The following ENTREP2 variants were observed in gnomAD, a reference collection of about 807,000 sequenced individuals.
ENTREP2 encodes protein ENTREP2.
chr15:29,478,930 C>A, the ENTREP2 span, among the ~76,000 whole-genome samples: 1 of 149,084 alleles, frequency 6.7e-6, no homozygotes, highest in East Asian at 2.0e-4. Context: ...CGTGGTGGCT[C>A]ACACCTGTAA....
chr15:29,183,545 G>A, the ENTREP2 span, among the ~76,000 whole-genome samples: 3 of 152,198 alleles, frequency 2.0e-5, no homozygotes, highest in Admixed American at 1.3e-4. Flanking sequence ...CCATGAACAG[G>A]AGATGGAGAA....
chr15:29,195,128 A>G, the ENTREP2 span: 3 of 985,288 alleles, frequency 3.0e-6, no homozygotes, highest in Non-Finnish European at 3.6e-6. Flanking sequence ...CCATGATGGG[A>G]TGGGCCCTGG....
chr15:29,524,212 A>T, the ENTREP2 span, among the ~76,000 whole-genome samples: 3 of 152,208 alleles, frequency 2.0e-5, no homozygotes, highest in Admixed American at 6.5e-5. Flanking sequence ...TGAGCCAAGG[A>T]TTTGCATAGA....
chr15:29,312,724 C>T, the ENTREP2 span, among the ~76,000 whole-genome samples: 8 of 152,106 alleles, frequency 5.3e-5, no homozygotes, highest in Non-Finnish European at 1.2e-4. Flanking sequence ...GCTGGCCGTT[C>T]CCCTGCCTAT....
chr15:29,269,186 G>A, the ENTREP2 span: 1 of 1,614,160 alleles, frequency 6.2e-7, no homozygotes, highest in Non-Finnish European at 8.5e-7. Context: ...CCCGTAGTGG[G>A]CGTGCCTTGG....
chr15:29,302,708 G>C, the ENTREP2 span, among the ~76,000 whole-genome samples: 1 of 152,118 alleles, frequency 6.6e-6, no homozygotes, highest in African/African-American at 2.4e-5. Flanking sequence ...GTGCAAATGG[G>C]ATGTTTCCCG....
chr15:29,363,002 C>T, the ENTREP2 span, among the ~76,000 whole-genome samples: 1,274 of 152,124 alleles, frequency 8.4e-3, 22 homozygotes, highest in African/African-American at 0.029. Flanking sequence ...TTTTCATAAA[C>T]GAGGTGGGAG....
the ENTREP2 span, among the ~76,000 whole-genome samples, chr15:29,390,050 C>G: frequency 1.3e-5 from 2 of 151,928 alleles, no homozygotes; most frequent in African/African-American, 4.8e-5. Flanking sequence ...GGAGGCTTTT[C>G]ACGGCCCAGG....
chr15:29,135,240 C>T, the ENTREP2 span, among the ~76,000 whole-genome samples: 1 of 152,130 alleles, frequency 6.6e-6, no homozygotes, highest in Admixed American at 6.5e-5. This position sits in a 1 kb window ranked among gnomAD's most constrained non-coding sequence, Gnocchi z 7.4. Context: ...GGCCACCTGT[C>T]ACGGGAGTTC....
chr15:29,478,020 T>TATATATA, the ENTREP2 span, among the ~76,000 whole-genome samples: 31 of 37,780 alleles, frequency 8.2e-4, no homozygotes, highest in African/African-American at 5.2e-3. Flanking sequence ...TATATATATA[T>TATATATA]TTTTTTTTTT....
chr15:29,349,507 G>A, the ENTREP2 span, among the ~76,000 whole-genome samples: 36 of 152,312 alleles, frequency 2.4e-4, no homozygotes, highest in African/African-American at 7.7e-4. Flanking sequence ...AAATGATATT[G>A]CAATTTAGGA....
At chr15:29,547,957 G>A in the ENTREP2 span, among the ~76,000 whole-genome samples, 22 of 152,274 alleles carry the variant, frequency 1.4e-4, no homozygotes, top group Admixed American at 1.4e-3. Context: ...ATGAGGCTAA[G>A]TGAAATAAGG....
chr15:29,177,541 G>A, the ENTREP2 span, among the ~76,000 whole-genome samples: 80 of 152,062 alleles, frequency 5.3e-4, no homozygotes, highest in African/African-American at 1.9e-3. Context: ...CACACAGATC[G>A]AGCCCACAAC....
At chr15:29,271,483 C>T in the ENTREP2 span, among the ~76,000 whole-genome samples, 2 of 152,346 alleles carry the variant, frequency 1.3e-5, no homozygotes, top group Admixed American at 6.5e-5. Flanking sequence ...GGCAGCCCAG[C>T]GCCAGGCCCA....
At chr15:29,222,925 A>G in the ENTREP2 span, among the ~76,000 whole-genome samples, 1 of 152,258 alleles carries the variant, frequency 6.6e-6, no homozygotes, top group Non-Finnish European at 1.5e-5. Context: ...AGCATGTGAT[A>G]CAATCTCATG....
chr15:29,539,828 CCT>C, the ENTREP2 span, among the ~76,000 whole-genome samples: 10 of 152,270 alleles, frequency 6.6e-5, no homozygotes, highest in South Asian at 2.1e-4. Flanking sequence ...GCCAAAATCC[CCT>C]GAGTGACAAA....
the ENTREP2 span, among the ~76,000 whole-genome samples, chr15:29,379,513 C>T: frequency 1.2e-4 from 18 of 152,184 alleles, no homozygotes; most frequent in Non-Finnish European, 2.4e-4. Context: ...GTGCTGACCA[C>T]CTCCCAGAGA....
At chr15:29,254,392 C>A in the ENTREP2 span, among the ~76,000 whole-genome samples, 3 of 152,070 alleles carry the variant, frequency 2.0e-5, no homozygotes, top group African/African-American at 7.2e-5. Context: ...CTGATTATTG[C>A]CCCACTGATA....
chr15:29,284,982 T>C, the ENTREP2 span, among the ~76,000 whole-genome samples: 192 of 152,304 alleles, frequency 1.3e-3, 1 homozygote, highest in Middle Eastern at 6.8e-3. Flanking sequence ...AATCTCAGCA[T>C]ACTCCAGGAA....
Sources: gnomAD v4.1 joint callset for allele counts (sites outside exome capture counted in the v4.1 genomes callset) on GRCh38, gnomAD v4.1.1 for gene constraint, Gnocchi (gnomAD v3.1) non-coding constraint, MANE v1.5 for transcripts, NCBI Gene and HGNC (gene_info 2026-07-23, HGNC 2026-07-21) for gene names.